Variants in ANKRD42 observed in about 807,000 individuals in gnomAD.
The protein encoded by ANKRD42 is ankyrin repeat domain-containing protein 42.
Under a neutral mutation model 51.5 loss-of-function variants are expected in ANKRD42, and 43 were observed. That is an observed-to-expected ratio of 0.83 (90% CI 0.65 to 1.08). The LOEUF (loss-of-function observed/expected upper bound fraction) is 1.08, where lower values mean the gene tolerates loss of function less well. Ranked by LOEUF, ANKRD42 falls within the 50% of genes least tolerant of loss-of-function variation. The probability of loss-of-function intolerance (pLI) is 0.00; values close to 1 mark genes in which losing one functional copy is unlikely to be tolerated. For missense variants in ANKRD42, 608 were observed against 629.3 expected, an observed-to-expected ratio of 0.97 and a Z score of 0.36; for synonymous variants, 203 against 213.0, an observed-to-expected ratio of 0.95 and a Z score of 0.41.
downstream of ANKRD42, among the ~76,000 whole-genome samples, chr11:83,250,212 A>C (rs1226685992): frequency 6.6e-6 from 1 of 152,190 alleles, no homozygotes; most frequent in African/African-American, 2.4e-5. Flanking sequence ...ATGATTGCAT[A>C]CTACTGTACC....
intron 4 of ANKRD42, 143 bp downstream of exon 4, chr11:83,210,562 A>G (rs906916798): frequency 3.6e-5 from 38 of 1,048,906 alleles, no homozygotes; most frequent in African/African-American, 3.2e-4. Flanking sequence ...TAGCTTTTCT[A>G]TCTTTAAACA....
chr11:83,194,660 G>GGT lies in ANKRD42; in HGVS notation c.-8_-7dup, dbSNP rs754466872. On this transcript the variant is annotated 5_prime_UTR_variant, in exon 1 of 11. Transcript: ENST00000533342. ...GACTCAACTCCTCCCCAGAGTCGGAGGTGTTGCGCCATGCCCGGGGTGGCC... is the reference window on the plus strand; with the variant it reads ...GACTCAACTCCTCCCCAGAGTCGGAGGTGTGTTGCGCCATGCCCGGGGTGGCC... 3.1e-6 allele frequency: 5 copies of GGT among 1,613,924 alleles called. No homozygotes were observed. The highest frequency in any genetic ancestry group is 3.3e-5 in the Admixed American group (2 of 60,020).
intron 6 of ANKRD42, among the ~76,000 whole-genome samples, chr11:83,225,942 T>A (rs1474813170): frequency 1.3e-5 from 2 of 152,102 alleles, no homozygotes; most frequent in African/African-American, 4.8e-5. Context: ...TATATATGAG[T>A]TGGGGTCTCA....
chr11:83,213,268 G>T, intron 5 of ANKRD42: 1 of 1,596,718 alleles, frequency 6.3e-7, no homozygotes. Flanking sequence ...TGGAAGTGCT[G>T]CTGATGTGCA....
intron 5 of ANKRD42, among the ~76,000 whole-genome samples, chr11:83,219,089 G>T (rs1862632401): frequency 6.6e-6 from 1 of 152,160 alleles, no homozygotes; most frequent in South Asian, 2.1e-4. Flanking sequence ...AAGGTGTGGT[G>T]CTCATCCGGA....
intron 8 of ANKRD42, among the ~76,000 whole-genome samples, chr11:83,239,004 CA>C (rs58315284): frequency 1.3e-5 from 2 of 149,174 alleles, no homozygotes; most frequent in Admixed American, 6.7e-5. Context: ...GCTAGACCCT[CA>C]AAAAAAAAAA....
intron 7 of ANKRD42, among the ~76,000 whole-genome samples, chr11:83,231,803 A>G (rs1227588438): frequency 6.6e-6 from 1 of 152,132 alleles, no homozygotes; most frequent in African/African-American, 2.4e-5. Flanking sequence ...CCATTTATTG[A>G]AGAGACTGTC....
intron 9 of ANKRD42, among the ~76,000 whole-genome samples, chr11:83,244,044 C>T (rs1863472526): frequency 7.4e-6 from 1 of 135,986 alleles, no homozygotes; most frequent in African/African-American, 2.8e-5. Flanking sequence ...TGCAGTGGCA[C>T]GACCTCGGCT....
downstream of ANKRD42, among the ~76,000 whole-genome samples, chr11:83,256,372 C>A (rs1049200684): frequency 1.3e-5 from 2 of 151,970 alleles, no homozygotes; most frequent in African/African-American, 4.8e-5. Context: ...TTTCAAATGG[C>A]GTAACTGCAA....
chr11:83,244,614 ACT>A (rs1491001870), intron 9 of ANKRD42, among the ~76,000 whole-genome samples: 1 of 152,116 alleles, frequency 6.6e-6, no homozygotes, highest in Non-Finnish European at 1.5e-5. Context: ...CCTGTTCCAC[ACT>A]CTCAAGCTGT....
At chr11:83,243,745 T>C (rs1396624587) in intron 9 of ANKRD42, among the ~76,000 whole-genome samples, 2 of 151,988 alleles carry the variant, frequency 1.3e-5, no homozygotes, top group East Asian at 1.9e-4. Flanking sequence ...CACTGCAAGC[T>C]CCGCCTCCCG....
Position 83,227,752 on chromosome 11 carries a change from G to A in ANKRD42, c.793G>A (p.Ala265Thr). Residue 265 changes from alanine to threonine, a missense_variant, in exon 7 of 11, where the codon GCA becomes ACA. Ala to Thr is a moderately conservative substitution (Grantham distance 58, BLOSUM62 0). Transcript: ENST00000533342. ...CTGAATTTTTTTATTCATAGCTTTA[G>A]CATTTCCAGGTCATGTGGCTGCCTT... ...GKDLEDQETL[A>T]FPGHVAAFKG... 2 of 1,607,842 alleles carry A rather than the reference G, an allele frequency of 1.2e-6. No individual in the cohort carries two copies. The highest frequency in any genetic ancestry group is 1.7e-6 in the Non-Finnish European group (2 of 1,178,300).
chr11:83,197,887 C>T (rs1409273581), intron 1 of ANKRD42, among the ~76,000 whole-genome samples: 1 of 152,142 alleles, frequency 6.6e-6, no homozygotes, highest in East Asian at 1.9e-4. Context: ...AAGTCTTTTT[C>T]ACTAGGGAGG....
chr11:83,201,631 A>G (rs1043857406), intron 2 of ANKRD42, among the ~76,000 whole-genome samples: 1 of 152,264 alleles, frequency 6.6e-6, no homozygotes, highest in African/African-American at 2.4e-5. Flanking sequence ...AGTGTAAAAG[A>G]GTTCCTATTT....
At chr11:83,219,488 T>C (rs59351445) in intron 5 of ANKRD42, among the ~76,000 whole-genome samples, 5,810 of 152,156 alleles carry the variant, frequency 0.038, 282 homozygotes, top group African/African-American at 0.11. Flanking sequence ...GTATAGTAAG[T>C]TTAAAGGGGG....
In ANKRD42 at chr11:83,248,210, G is replaced by A; in HGVS notation, c.*6G>A. 2 of 1,486,868 alleles carry A rather than the reference G, an allele frequency of 1.3e-6. No homozygotes were observed. Among genetic ancestry groups the A allele is most frequent in the Non-Finnish European group, 1.8e-6 (2 of 1,121,366 alleles). The allele number at this position is 1,486,868 out of a possible 1,614,324, so 92.1% of individuals were successfully genotyped here. A position where few individuals can be genotyped will look rare whatever the true frequency, so the allele number is the denominator to read the frequency against. ...CTGGCTATAGTCTTTTTTGATTTGGGCTACTCATTTAACCTTTTTGTGCCT... is the reference window on the plus strand; with the variant it reads ...CTGGCTATAGTCTTTTTTGATTTGGACTACTCATTTAACCTTTTTGTGCCT... On this transcript the variant is annotated 3_prime_UTR_variant, in exon 11 of 11. Transcript: ENST00000533342.
rs1282885854 is a variant in ANKRD42, at chr11:83,248,271, A to G, written c.*67A>G. ...CTGGAGATGATAACTTATACTTTCT[A>G]GAGCTGATGACAGGATTAAAGGAAT... On this transcript the variant is annotated 3_prime_UTR_variant, in exon 11 of 11. Transcript: ENST00000533342. The G allele has an allele frequency of 3.5e-5, 51 of 1,437,530 alleles. No homozygotes were observed. Among genetic ancestry groups the G allele is most frequent in the Non-Finnish European group, 4.6e-5 (51 of 1,101,978 alleles). 89.0% of individuals were successfully genotyped at this position (1,437,530 alleles called of 1,614,324 possible). A position where few individuals can be genotyped will look rare whatever the true frequency, so the allele number is the denominator to read the frequency against.
downstream of ANKRD42, chr11:83,257,192 T>C (rs1311506843): frequency 7.7e-6 from 3 of 387,224 alleles, no homozygotes; most frequent in South Asian, 1.9e-5. Flanking sequence ...GTTCTGATAC[T>C]AGGTCAAAAT....
At chr11:83,254,816 G>A (rs1863738390) in intron 11 of ANKRD42, among the ~76,000 whole-genome samples, 1 of 151,884 alleles carries the variant, frequency 6.6e-6, no homozygotes, top group South Asian at 2.1e-4. Flanking sequence ...CCAATCAAAG[G>A]TTTGTTATTT....
Sources: allele counts gnomAD v4.1 joint callset (sites outside exome capture counted in the v4.1 genomes callset), GRCh38; gene constraint gnomAD v4.1.1; transcripts MANE v1.5; gene names NCBI Gene and HGNC (gene_info 2026-07-23, HGNC 2026-07-21).